Variants in MYBPC2 observed in about 807,000 individuals in gnomAD.
MYBPC2 encodes myosin binding protein C2.
Under a neutral mutation model 137.0 loss-of-function variants are expected in MYBPC2, and 122 were observed. The ratio of observed to expected loss-of-function variants is 0.89; its 90% CI spans 0.77 to 1.03. MYBPC2 has a LOEUF of 1.03. MYBPC2 is among the 50% of genes least tolerant of loss of function. MYBPC2 has a pLI of 0.00. For missense variants in MYBPC2, 1,500 were observed against 1,534.4 expected (o/e 0.98, Z 0.37); for synonymous variants, 626 against 612.3 (o/e 1.02, Z -0.33).
At chr19:50,441,679 A>G (rs11084017) in intron 8 of MYBPC2, among the ~76,000 whole-genome samples, 44,120 of 151,620 alleles carry the variant, frequency 0.29, 6,539 homozygotes, top group East Asian at 0.38. Context: ...ATCTCTACTA[A>G]AAATACAAAA....
Position 50,458,593 on chromosome 19 carries a change from A to G in MYBPC2, c.2345A>G (p.Glu782Gly), listed in dbSNP as rs2039936200. The change falls in exon 21 of 28, where the codon GAA becomes GGA. Residue 782 changes from glutamate (E) to glycine (G), a missense_variant. Transcript: ENST00000357701. ...GCAGGGCCTCTCTCTCCAGCCGAGGAATGGGTCCCTGCCAACACCGAGCCC... is the reference window on the plus strand; with the variant it reads ...GCAGGGCCTCTCTCTCCAGCCGAGGGATGGGTCCCTGCCAACACCGAGCCC... ...LVEYCLEGSE[E>G]WVPANTEPVE... is the part of the protein sequence containing the mutation. 2 of 1,611,860 alleles carry G rather than the reference A, an allele frequency of 1.2e-6. No homozygotes were observed. Among genetic ancestry groups the G allele is most frequent in the Non-Finnish European group, 1.7e-6 (2 of 1,179,832 alleles).
At chr19:50,455,372 C>A in intron 19 of MYBPC2, 76 bp downstream of exon 19, 1 of 1,564,138 alleles carries the variant, frequency 6.4e-7, no homozygotes, top group South Asian at 1.2e-5. Context: ...CCACCTCTGG[C>A]CCATCTTTTG....
In MYBPC2 at chr19:50,458,920, C is replaced by G; in HGVS notation, c.2509C>G (p.Pro837Ala). The G allele has an allele frequency of 1.1e-5, 18 of 1,611,108 alleles. No homozygotes were observed. The highest frequency in any genetic ancestry group is 1.4e-5 in the Non-Finnish European group (17 of 1,178,952). The part of the protein sequence containing the change: ...QPVTIREIAE[P>A]PKIRLPRHLR... Reference sequence around the variant, plus strand: ...CCTCCCTGTGTTTGCGCCCTCAGAGCCACCCAAGATCCGGCTTCCCCGCCA... The same window carrying G: ...CCTCCCTGTGTTTGCGCCCTCAGAGGCACCCAAGATCCGGCTTCCCCGCCA... Residue 837 changes from proline (P) to alanine (A), a missense_variant and splice_region_variant, in exon 22 of 28, where the codon CCA (proline) becomes GCA (alanine). Physicochemically the swap from Pro to Ala is conservative, Grantham distance 27. Transcript: ENST00000357701.
Position 50,450,908 on chromosome 19 carries a change from TCG to T in MYBPC2, c.1554_1555del (p.Ser520GlyfsTer45), listed in dbSNP as rs1490997551. On this transcript the variant is annotated frameshift_variant, in exon 14 of 28. Coordinates refer to ENST00000357701, the MANE Select transcript of MYBPC2 (RefSeq NM_004533.4). LOFTEE classifies it high-confidence loss of function. ...GTTTGTGCCTGACGGCTACGCCCTG[TCG>T]CTCTCGGCCAAGCTCAACTTCCTGG... ...YTFVPDGYAL[S>X]LSAKLNFLEI... is the part of the protein sequence containing the mutation. The T allele has an allele frequency of 6.4e-7, 1 of 1,573,464 alleles. No homozygotes were observed. Among genetic ancestry groups the T allele is most frequent in the East Asian group, 2.4e-5 (1 of 42,394 alleles).
intron 11 of MYBPC2, among the ~76,000 whole-genome samples, chr19:50,444,059 C>T (rs561299893): frequency 6.6e-6 from 1 of 152,278 alleles, no homozygotes; most frequent in East Asian, 1.9e-4. Context: ...CCGACTGTTC[C>T]ATTAAATATT....
chr19:50,435,044 G>A lies in MYBPC2; in HGVS notation c.20-117G>A. On this transcript the variant is annotated intron_variant, in intron 1 of 27. Transcript: ENST00000357701. The surrounding 1 kb of genome is among the most constrained non-coding windows in gnomAD (Gnocchi z 4.8). ...TGGGTCTGAGGGAGGAGGGGCTGGG[G>A]GCCTGGACTCCTGGGTCTGAGGGAG... is the stretch of plus-strand genomic sequence containing the variant. 1.5e-6 allele frequency: 1 copy of A among 676,946 alleles called. No individual in the cohort carries two copies. 41.9% of individuals were successfully genotyped at this position (676,946 alleles called of 1,614,324 possible). A position where few individuals can be genotyped will look rare whatever the true frequency, so the allele number is the denominator to read the frequency against.
At chr19:50,463,181 A>G (rs536414783) in intron 26 of MYBPC2, among the ~76,000 whole-genome samples, 1 of 152,166 alleles carries the variant, frequency 6.6e-6, no homozygotes, top group South Asian at 2.1e-4. Flanking sequence ...ATATTTGTTT[A>G]TGTTTTGTTT....
rs192353504 is a variant in MYBPC2 at position 50,459,900 on chromosome 19, G to T, written c.2792-140G>T. ...TAAGAGGAAGTGGAGAGACTGGGAT[G>T]GGGGAGGCCATAGGCAGGAATGGGA... On this transcript the variant is annotated intron_variant, in intron 23 of 27. Transcript: ENST00000357701. 616 of 1,234,140 alleles carry T rather than the reference G, an allele frequency of 5.0e-4. 3 individuals are homozygous for T. In the African/African-American group the frequency reaches 7.7e-3, roughly 15 times the overall value. 76.4% of individuals were successfully genotyped at this position (1,234,140 alleles called of 1,614,324 possible).
chr19:50,455,040 A>C, intron 18 of MYBPC2, 68 bp from the exon 19 acceptor site: 1 of 1,445,436 alleles, frequency 6.9e-7, no homozygotes, highest in Non-Finnish European at 9.3e-7. Flanking sequence ...TGTGGCCCTC[A>C]CTCCCCCAGC....
In MYBPC2 at chr19:50,459,091, G is replaced by T; in HGVS notation, c.2596-20G>T. 2 of 719,694 alleles carry T rather than the reference G, an allele frequency of 2.8e-6. No homozygotes were observed. The highest frequency in any genetic ancestry group is 4.4e-6 in the Non-Finnish European group (2 of 451,646). 44.6% of individuals were successfully genotyped at this position (719,694 alleles called of 1,614,324 possible). On this transcript the variant is annotated intron_variant, in intron 22 of 27. Transcript: ENST00000357701. ...GGTGGAGCCCCGCTGACCCCACCCCGCCCCGCCCTCTCCCCGCAGGGAAAG... is the reference window on the plus strand; with the variant it reads ...GGTGGAGCCCCGCTGACCCCACCCCTCCCCGCCCTCTCCCCGCAGGGAAAG...
At chr19:50,436,977 G>T (rs913851863) in intron 5 of MYBPC2, among the ~76,000 whole-genome samples, 3 of 152,144 alleles carry the variant, frequency 2.0e-5, no homozygotes, top group African/African-American at 7.2e-5. Flanking sequence ...AGGCTTAGGA[G>T]GTGAGTTATG....
intron 20 of MYBPC2, among the ~76,000 whole-genome samples, chr19:50,456,247 AT>A (rs2039910899): frequency 1.4e-5 from 2 of 143,544 alleles, no homozygotes; most frequent in Non-Finnish European, 3.0e-5. Context: ...CCATCCATCC[AT>A]CCATCCATCC....
chr19:50,455,761 T>A (rs2039904722), intron 20 of MYBPC2, 117 bp downstream of exon 20: 1 of 1,429,276 alleles, frequency 7.0e-7, no homozygotes, highest in Admixed American at 2.3e-5. Context: ...CTGCTTGTGT[T>A]TTGTGTCTGT....
At position 50,466,137 on chromosome 19, in the gene MYBPC2, G is replaced by A. The variant is rs529143550; in HGVS notation, c.3416-58G>A. The A allele has an allele frequency of 1.9e-6, 3 of 1,608,504 alleles. No homozygotes were observed. In the South Asian group the frequency reaches 3.3e-5, roughly 18 times the overall value. Reference sequence around the variant, plus strand: ...CATGTGGATGCAGCTCCTCCTCCTGGGGCTTCAGGAGGAGGCGTGCCCGGG... The same window carrying A: ...CATGTGGATGCAGCTCCTCCTCCTGAGGCTTCAGGAGGAGGCGTGCCCGGG... On this transcript the variant is annotated intron_variant, in intron 27 of 27. Coordinates refer to ENST00000357701, the MANE Select transcript of MYBPC2 (RefSeq NM_004533.4). The surrounding 1 kb of genome is among the most constrained non-coding windows in gnomAD (Gnocchi z 4.9).
At chr19:50,437,550 C>A in intron 6 of MYBPC2, 29 bp downstream of exon 6, 1 of 1,605,308 alleles carries the variant, frequency 6.2e-7, no homozygotes, top group South Asian at 1.1e-5. Context: ...TTACCAGGGT[C>A]CCAAGGACCA....
Position 50,449,699 on chromosome 19 carries a change from G to A in MYBPC2, c.1473-1130G>A, listed in dbSNP as rs111856587. Among the ~76,000 whole-genome samples, 1,364 of 152,344 alleles carry A rather than the reference G, an allele frequency of 9.0e-3. 21 individuals carry two copies. The highest frequency in any genetic ancestry group is 0.029 in the South Asian group (139 of 4,820). ...GAAGCTGGGATTCAACAGGTGGCAC[G>A]TGGACACCTAAGACAAACACCTGGT... On this transcript the variant is annotated intron_variant, in intron 13 of 27. Transcript: ENST00000357701.
chr19:50,453,704 C>A (rs1460731223), intron 16 of MYBPC2, among the ~76,000 whole-genome samples: 1 of 151,976 alleles, frequency 6.6e-6, no homozygotes, highest in Non-Finnish European at 1.5e-5. Flanking sequence ...CCAGGCCCGG[C>A]TAATTTTGTA....
intron 11 of MYBPC2, among the ~76,000 whole-genome samples, chr19:50,444,879 C>CAAAAAAAAA (rs34557075): frequency 1.5e-5 from 1 of 67,274 alleles, no homozygotes. Context: ...GACTCCGTCT[C>CAAAAAAAAA]AAAAAAAAAA....
intron 15 of MYBPC2, 85 bp from the exon 16 acceptor site, chr19:50,451,779 C>T: frequency 6.5e-7 from 1 of 1,534,438 alleles, no homozygotes; most frequent in Non-Finnish European, 8.8e-7. Context: ...CTGTTGGAAC[C>T]CAACTTTTTG....
Sources: gnomAD v4.1 joint callset for allele counts (sites outside exome capture counted in the v4.1 genomes callset) on GRCh38, gnomAD v4.1.1 for gene constraint, Gnocchi (gnomAD v3.1) non-coding constraint, MANE v1.5 for transcripts, NCBI Gene and HGNC (gene_info 2026-07-23, HGNC 2026-07-21) for gene names.